Variants in SORCS2 observed in about 807,000 individuals in gnomAD.
SORCS2 encodes the protein VPS10 domain-containing receptor SorCS2.
SORCS2 carries 100 observed loss-of-function variants against 141.6 expected under a neutral mutation model. The observed-to-expected ratio is 0.71, with a 90% CI of 0.60 to 0.83. The LOEUF (loss-of-function observed/expected upper bound fraction) is 0.83, where lower values mean the gene tolerates loss of function less well. SORCS2 is among the 40% of genes least tolerant of loss of function. The pLI, the probability that SORCS2 is intolerant of heterozygous loss-of-function variation, is 0.00. For synonymous variants in SORCS2, 789 were observed against 676.9 expected (o/e 1.17, Z -2.57); for missense variants, 1,646 against 1,560.2 (o/e 1.05, Z -0.93).
intron 1 of SORCS2, among the ~76,000 whole-genome samples, chr4:7,358,697 A>G (rs1721407974): frequency 6.6e-6 from 1 of 152,268 alleles, no homozygotes; most frequent in Admixed American, 6.5e-5. Context: ...GCATGAAAAT[A>G]GAGAAATTAA....
chr4:7,493,153 G>A (rs1377603561), intron 2 of SORCS2, among the ~76,000 whole-genome samples: 1 of 152,218 alleles, frequency 6.6e-6, no homozygotes, highest in Non-Finnish European at 1.5e-5. Context: ...ATCTGTATTG[G>A]TAGAGGGGAA....
At chr4:7,606,142 C>A (rs1242225883) in intron 3 of SORCS2, among the ~76,000 whole-genome samples, 1 of 152,156 alleles carries the variant, frequency 6.6e-6, no homozygotes, top group Non-Finnish European at 1.5e-5. Context: ...TAATAACTTA[C>A]TCTTTAAGAC....
chr4:7,670,701 T>G (rs1464535387), intron 8 of SORCS2, among the ~76,000 whole-genome samples: 1 of 152,220 alleles, frequency 6.6e-6, no homozygotes, highest in African/African-American at 2.4e-5. Context: ...AAAGTCGATT[T>G]GGATAATGTC....
At chr4:7,675,952 G>T in intron 8 of SORCS2, 98 bp from the exon 9 acceptor site, 2 of 1,374,596 alleles carry the variant, frequency 1.5e-6, no homozygotes, top group South Asian at 2.8e-5. Context: ...GAGAGCCAGG[G>T]GTCTTCTGCA....
intron 10 of SORCS2, among the ~76,000 whole-genome samples, chr4:7,683,402 G>A (rs537413952): frequency 2.4e-5 from 2 of 82,104 alleles, no homozygotes; most frequent in South Asian, 6.1e-4. Context: ...TCTTGTCTGG[G>A]CTCAGCTGGG....
intron 4 of SORCS2, among the ~76,000 whole-genome samples, chr4:7,639,094 G>A (rs1311590572): frequency 6.6e-6 from 1 of 152,154 alleles, no homozygotes; most frequent in African/African-American, 2.4e-5. Context: ...TGAGGCTGTG[G>A]AGGGAGAGGG....
chr4:7,584,667 C>G (rs1249241974), intron 3 of SORCS2, among the ~76,000 whole-genome samples: 1 of 152,220 alleles, frequency 6.6e-6, no homozygotes, highest in Non-Finnish European at 1.5e-5. Flanking sequence ...GCTCCTGCAT[C>G]CCTTCCTAAC....
At chr4:7,330,134 C>T (rs73208482) in intron 1 of SORCS2, among the ~76,000 whole-genome samples, 12,776 of 151,776 alleles carry the variant, frequency 0.084, 827 homozygotes, top group East Asian at 0.21. Flanking sequence ...GCCGCCTGTC[C>T]TGGCTCCTGC....
intron 1 of SORCS2, among the ~76,000 whole-genome samples, chr4:7,224,589 A>G (rs977781995): frequency 6.6e-6 from 1 of 152,170 alleles, no homozygotes; most frequent in Non-Finnish European, 1.5e-5. Context: ...TCTTATGAGA[A>G]CTCACTTCCT....
At chr4:7,510,262 G>A (rs1732538143) in intron 2 of SORCS2, among the ~76,000 whole-genome samples, 1 of 152,226 alleles carries the variant, frequency 6.6e-6, no homozygotes, top group Non-Finnish European at 1.5e-5. Context: ...CTGAGTGTCC[G>A]GGTGGGTCCT....
At chr4:7,699,382 G>A (rs1403184930) in intron 12 of SORCS2, among the ~76,000 whole-genome samples, 1 of 152,322 alleles carries the variant, frequency 6.6e-6, no homozygotes, top group Admixed American at 6.5e-5. Context: ...CTCCTGGGTG[G>A]ATGCAGCATC....
At chr4:7,343,939 G>T (rs1035756172) in intron 1 of SORCS2, among the ~76,000 whole-genome samples, 3 of 152,222 alleles carry the variant, frequency 2.0e-5, no homozygotes, top group Non-Finnish European at 2.9e-5. Flanking sequence ...TGCCGGGGGT[G>T]CTTCCTGTGC....
intron 1 of SORCS2, among the ~76,000 whole-genome samples, chr4:7,238,899 C>A (rs774753269): frequency 1.3e-5 from 2 of 152,198 alleles, no homozygotes; most frequent in Non-Finnish European, 2.9e-5. Context: ...CCACTGCTGG[C>A]CTGTCACCCC....
chr4:7,573,602 C>T (rs1044414369), intron 3 of SORCS2, among the ~76,000 whole-genome samples: 1 of 152,238 alleles, frequency 6.6e-6, no homozygotes, highest in Non-Finnish European at 1.5e-5. Flanking sequence ...ACTGCAACCT[C>T]TGCCTCCCAG....
chr4:7,323,793 G>A (rs558623329), intron 1 of SORCS2, among the ~76,000 whole-genome samples: 26 of 152,008 alleles, frequency 1.7e-4, no homozygotes, highest in African/African-American at 6.0e-4. Flanking sequence ...CCCGAGAAAT[G>A]GGAACAGAAC....
At chr4:7,537,078 C>T (rs1035128430) in intron 3 of SORCS2, among the ~76,000 whole-genome samples, 7 of 152,206 alleles carry the variant, frequency 4.6e-5, no homozygotes, top group Admixed American at 2.6e-4. Flanking sequence ...GCTGATGGGG[C>T]TCCCTGTGTC....
chr4:7,362,401 G>GGCCCTGATCTCAA (rs1235327826), intron 1 of SORCS2, among the ~76,000 whole-genome samples: 2 of 152,106 alleles, frequency 1.3e-5, no homozygotes, highest in Admixed American at 1.3e-4. Context: ...GAGAATCTCA[G>GGCCCTGATCTCAA]GCCCTGATCT....
chr4:7,438,056 T>C (rs1727423144), intron 2 of SORCS2, among the ~76,000 whole-genome samples: 1 of 152,230 alleles, frequency 6.6e-6, no homozygotes, highest in Admixed American at 6.5e-5. Context: ...TAAAGAACTG[T>C]AGTGTGGATA....
intron 17 of SORCS2, 74 bp downstream of exon 17, chr4:7,715,385 T>C: frequency 6.3e-7 from 1 of 1,575,668 alleles, no homozygotes; most frequent in African/African-American, 1.3e-5. Context: ...AACCACGCCT[T>C]CCTGGCTGGT....
Sources: gnomAD v4.1 joint callset for allele counts (sites outside exome capture counted in the v4.1 genomes callset) on GRCh38, gnomAD v4.1.1 for gene constraint, MANE v1.5 for transcripts, NCBI Gene and HGNC (gene_info 2026-07-23, HGNC 2026-07-21) for gene names.